MFSD2A: variants seen among roughly 807,000 people sequenced by gnomAD.
MFSD2A encodes the protein MFSD2 lysolipid transporter A, lysophospholipid.
In MFSD2A, 27 loss-of-function variants were observed where a neutral mutation model predicts 64.7. The ratio of observed to expected loss-of-function variants is 0.42; its 90% CI spans 0.31 to 0.58. The LOEUF is 0.58. Among genes scored for constraint, MFSD2A ranks in the 20% least tolerant of loss-of-function variants. The pLI, the probability that MFSD2A is intolerant of heterozygous loss-of-function variation, is 0.18. For missense variants in MFSD2A, 474 were observed against 679.5 expected (o/e 0.70, Z 3.36); for synonymous variants, 258 against 273.4 (o/e 0.94, Z 0.55).
At chr1:39,961,316 TCCCGCC>T (rs1300184111) in intron 3 of MFSD2A, among the ~76,000 whole-genome samples, 4 of 22,182 alleles carry the variant, frequency 1.8e-4, no homozygotes, top group Non-Finnish European at 3.2e-4. Context: ...AGACTTTTCT[TCCCGCC>T]CCCGCCCCCC....
Position 39,966,853 on chromosome 1 carries a change from G to A in MFSD2A, c.848G>A (p.Arg283Gln), listed in dbSNP as rs773401069. 18 of 1,613,808 alleles carry A rather than the reference G, an allele frequency of 1.1e-5. No individual in the cohort carries two copies. Among genetic ancestry groups the A allele is most frequent in the African/African-American group, 6.7e-5 (5 of 74,898 alleles). Residue 283 changes from arginine (R) to glutamine (Q), a missense_variant, in exon 8 of 14, where the codon CGG becomes CAG. Coordinates refer to ENST00000372811, the MANE Select transcript of MFSD2A (RefSeq NM_032793.5). ...AQQSEPIAYF[R>Q]GLRLVMSHGP... Reference sequence around the variant, plus strand: ...CAGTCTGAGCCAATCGCCTACTTCCGGGGCCTACGGCTGGTCATGAGCCAC... The same window carrying A: ...CAGTCTGAGCCAATCGCCTACTTCCAGGGCCTACGGCTGGTCATGAGCCAC...
rs1478539272 is a variant in MFSD2A, at chr1:39,966,655, G to T, written c.769G>T (p.Ala257Ser). 1.9e-6 allele frequency: 3 copies of T among 1,613,966 alleles called. No homozygotes were observed. Among genetic ancestry groups the T allele is most frequent in the African/African-American group, 1.3e-5 (1 of 74,914 alleles). Reference sequence around the variant, plus strand: ...CATTGTCTGTATCTATATAATCTGTGCTGTCATCCTGATCCTGGGCGTGCG... The same window carrying T: ...CATTGTCTGTATCTATATAATCTGTTCTGTCATCCTGATCCTGGGCGTGCG... ...GVIVCIYIIC[A>S]VILILGVREQ... The change falls in exon 7 of 14, where the codon GCT becomes TCT. Residue 257 changes from alanine to serine, a missense_variant. Transcript: ENST00000372811.
At chr1:39,967,964 C>T in intron 11 of MFSD2A, 48 bp downstream of exon 11, 2 of 1,250,460 alleles carry the variant, frequency 1.6e-6, no homozygotes, top group Non-Finnish European at 1.1e-6. Context: ...GCCCCTAGTC[C>T]CCAGTTTTGA....
intron 2 of MFSD2A, 64 bp downstream of exon 2, chr1:39,957,285 T>C (rs1167254834): frequency 4.8e-6 from 7 of 1,467,546 alleles, no homozygotes; most frequent in Non-Finnish European, 6.4e-6. Flanking sequence ...TATGCACCCC[T>C]GGGTCAGTTC....
chr1:39,962,816 A>T (rs1645074015), intron 3 of MFSD2A: 2 of 1,294,552 alleles, frequency 1.5e-6, no homozygotes, highest in East Asian at 2.3e-5. Context: ...CCATTAAGGG[A>T]TCTGAGATCA....
chr1:39,961,910 G>A (rs115180197), intron 3 of MFSD2A, among the ~76,000 whole-genome samples: 1,815 of 152,344 alleles, frequency 0.012, 48 homozygotes, highest in African/African-American at 0.042. Context: ...GGCTGCAACA[G>A]CTGGACCTGA....
chr1:39,963,522 T>C lies in MFSD2A; in HGVS notation c.354-1689T>C. On this transcript the variant is annotated intron_variant, in intron 3 of 13. Coordinates refer to ENST00000372811, the MANE Select transcript of MFSD2A (RefSeq NM_032793.5). The surrounding 1 kb of genome is among the most constrained non-coding windows in gnomAD (Gnocchi z 4.2). ...AAACTCCTGGGGAAAAGCAATCCTC[T>C]TGCCTCAGTTTCCCAAGTAGCTGGG... The C allele has an allele frequency of 2.4e-6, 1 of 425,072 alleles. No homozygotes were observed. The highest frequency in any genetic ancestry group is 2.0e-5 in the African/African-American group (1 of 49,556). 26.3% of individuals were successfully genotyped at this position (425,072 alleles called of 1,614,324 possible). A position where few individuals can be genotyped will look rare whatever the true frequency, so the allele number is the denominator to read the frequency against.
chr1:39,967,556 G>A, intron 9 of MFSD2A, 72 bp from the exon 10 acceptor site: 1 of 1,411,318 alleles, frequency 7.1e-7, no homozygotes, highest in South Asian at 1.2e-5. Context: ...GCCACTTTGG[G>A]GTTCTGGGAA....
At chr1:39,956,016 C>T (rs1193658636) in intron 1 of MFSD2A, among the ~76,000 whole-genome samples, 3 of 152,194 alleles carry the variant, frequency 2.0e-5, no homozygotes, top group African/African-American at 7.2e-5. Flanking sequence ...TAGATACCTT[C>T]GTGGGAGGTG....
chr1:39,963,463 G>A lies in MFSD2A; in HGVS notation c.354-1748G>A. ...CCTGTTAAAAAAAAAATGTTTACGA[G>A]ACAGAGTCTTGCTATGTTGCACAGG... On this transcript the variant is annotated intron_variant, in intron 3 of 13. Transcript: ENST00000372811. This position sits in a 1 kb window ranked among gnomAD's most constrained non-coding sequence, Gnocchi z 4.2. 1 of 541,176 alleles carries A rather than the reference G, an allele frequency of 1.8e-6. No homozygotes were observed. Among genetic ancestry groups the A allele is most frequent in the Non-Finnish European group, 3.3e-6 (1 of 304,310 alleles). The allele number at this position is 541,176 out of a possible 1,614,324, so 33.5% of individuals were successfully genotyped here.
Position 39,967,902 on chromosome 1 carries a change from C to T in MFSD2A, c.1194C>T (p.Ala398=), listed in dbSNP as rs745391775. 20 of 1,610,384 alleles carry T rather than the reference C, an allele frequency of 1.2e-5. No homozygotes were observed. The African/African-American group carries it at 2.4e-4, about 19-fold the overall frequency. Residue 398 remains alanine, a synonymous_variant, in exon 11 of 14, where the codon GCC becomes GCT. Transcript: ENST00000372811. ...CAGCTGGCATCAGTGTGGCAGCTGC[C>T]TTCTTACTACCCTGGTAGGTATATA... The part of the protein sequence containing the change: ...AVAAGISVAA[A]FLLPWSMLPD...
chr1:39,965,325 A>G lies in MFSD2A; in HGVS notation c.468A>G (p.Thr156=), dbSNP rs757255915. The stretch of plus-strand genomic sequence containing the variant: ...TGCTTTTCTATTGCCTCTTTGAAAC[A>G]ATGGTCACGGTGAGTGTGGGTACCT... ...WYLLFYCLFE[T]MVTCFHVPYS... The change falls in exon 4 of 14, where the codon ACA becomes ACG. Residue 156 remains threonine (T), a synonymous_variant. Coordinates refer to ENST00000372811, the MANE Select transcript of MFSD2A (RefSeq NM_032793.5). This position sits in a 1 kb window ranked among gnomAD's most constrained non-coding sequence, Gnocchi z 5.5. 5 of 1,613,872 alleles carry G rather than the reference A, an allele frequency of 3.1e-6. No individual in the cohort carries two copies. In the Admixed American group the frequency reaches 6.7e-5, roughly 22 times the overall value.
In MFSD2A at chr1:39,955,311, G is replaced by T; in HGVS notation, c.19G>T (p.Ala7Ser). The T allele has an allele frequency of 6.9e-7, 1 of 1,442,980 alleles. No homozygotes were observed. Among genetic ancestry groups the T allele is most frequent in the Non-Finnish European group, 9.1e-7 (1 of 1,096,134 alleles). The allele number at this position is 1,442,980 out of a possible 1,614,324, so 89.4% of individuals were successfully genotyped here. ...GCGGGTCATGGCCAAAGGAGAAGGCGCCGAGAGCGGCTCCGCGGCGGGGCT... is the reference window on the plus strand; with the variant it reads ...GCGGGTCATGGCCAAAGGAGAAGGCTCCGAGAGCGGCTCCGCGGCGGGGCT... The part of the protein sequence containing the change: MAKGEG[A>S]ESGSAAGLLP... Residue 7 changes from alanine (A) to serine (S), a missense_variant, in exon 1 of 14, where the codon GCC becomes TCC. Transcript: ENST00000372811. This position sits in a 1 kb window ranked among gnomAD's most constrained non-coding sequence, Gnocchi z 5.9.
Position 39,955,328 on chromosome 1 carries a change from G to T in MFSD2A, c.36G>T (p.Ala12=), listed in dbSNP as rs1219555623. ...GAGAAGGCGCCGAGAGCGGCTCCGC[G>T]GCGGGGCTGCTACCCACCAGCATCC... ...AKGEGAESGS[A]AGLLPTSILQ... is the part of the protein sequence containing the mutation. The change falls in exon 1 of 14, where the codon GCG becomes GCT. Residue 12 remains alanine, a synonymous_variant. Transcript: ENST00000372811. This position sits in a 1 kb window ranked among gnomAD's most constrained non-coding sequence, Gnocchi z 5.9. The T allele has an allele frequency of 4.2e-6, 6 of 1,443,866 alleles. No homozygotes were observed. The East Asian group carries it at 1.6e-4, about 38-fold the overall frequency. 89.4% of individuals were successfully genotyped at this position (1,443,866 alleles called of 1,614,324 possible).
chr1:39,965,619 C>A lies in MFSD2A; in HGVS notation c.556+70C>A. 6.7e-7 allele frequency: 1 copy of A among 1,503,242 alleles called. No individual in the cohort carries two copies. 93.1% of individuals were successfully genotyped at this position (1,503,242 alleles called of 1,614,324 possible). On this transcript the variant is annotated intron_variant, in intron 5 of 13. Transcript: ENST00000372811. The surrounding 1 kb of genome is among the most constrained non-coding windows in gnomAD (Gnocchi z 5.5). ...CAGCCATACTTCTTCCCTTGCGGGT[C>A]CAGCTCTTTGCTCTGCTCTAGAGTG...
chr1:39,965,270 A>G lies in MFSD2A; in HGVS notation c.413A>G (p.Asp138Gly). ...TACTTCCTCATCTGGTTCGTGCCCG[A>G]CTTCCCACACGGCCAGACCTATTGG... The part of the protein sequence containing the change: ...IAYFLIWFVP[D>G]FPHGQTYWYL... Residue 138 changes from aspartate to glycine, a missense_variant, in exon 4 of 14, where the codon GAC becomes GGC. Physicochemically the swap from Asp to Gly is moderately conservative, Grantham distance 94 (BLOSUM62 -1). Coordinates refer to ENST00000372811, the MANE Select transcript of MFSD2A (RefSeq NM_032793.5). The surrounding 1 kb of genome is among the most constrained non-coding windows in gnomAD (Gnocchi z 5.5). 3 of 1,613,882 alleles carry G rather than the reference A, an allele frequency of 1.9e-6. No homozygotes were observed. The highest frequency in any genetic ancestry group is 1.7e-5 in the Admixed American group (1 of 59,978).
At chr1:39,956,619 A>G (rs1329532154) in intron 1 of MFSD2A, among the ~76,000 whole-genome samples, 2 of 152,162 alleles carry the variant, frequency 1.3e-5, no homozygotes, top group Non-Finnish European at 2.9e-5. Flanking sequence ...GAGGTGGCTT[A>G]GGGGCTACTT....
chr1:39,966,120 G>C lies in MFSD2A; in HGVS notation c.714+106G>C, dbSNP rs562389244. On this transcript the variant is annotated intron_variant, in intron 6 of 13. Transcript: ENST00000372811. ...CTAGTGTTTATTAAATAAATGTTGG[G>C]CATTTGATATACATAACAATTAATG... 1.1e-3 allele frequency: 1,458 copies of C among 1,329,038 alleles called. 1 individual carries two copies. The highest frequency in any genetic ancestry group is 1.4e-3 in the Non-Finnish European group (1,341 of 969,242). 82.3% of individuals were successfully genotyped at this position (1,329,038 alleles called of 1,614,324 possible).
Position 39,958,972 on chromosome 1 carries a change from G to A in MFSD2A, c.353+147G>A, listed in dbSNP as rs1644981041. The A allele has an allele frequency of 2.1e-6, 2 of 950,400 alleles. No homozygotes were observed. Among genetic ancestry groups the A allele is most frequent in the Non-Finnish European group, 3.1e-6 (2 of 642,546 alleles). 58.9% of individuals were successfully genotyped at this position (950,400 alleles called of 1,614,324 possible). On this transcript the variant is annotated intron_variant, in intron 3 of 13. Coordinates refer to ENST00000372811, the MANE Select transcript of MFSD2A (RefSeq NM_032793.5). The surrounding 1 kb of genome is among the most constrained non-coding windows in gnomAD (Gnocchi z 4.7). Reference sequence around the variant, plus strand: ...CAAGGGTGTTGAAACCCCATCCGAGGCATCAGCTACCCTGAGCACGGGCAC... The same window carrying A: ...CAAGGGTGTTGAAACCCCATCCGAGACATCAGCTACCCTGAGCACGGGCAC...
Sources: allele counts gnomAD v4.1 joint callset (sites outside exome capture counted in the v4.1 genomes callset), GRCh38; gene constraint gnomAD v4.1.1; non-coding constraint Gnocchi (gnomAD v3.1); transcripts MANE v1.5; gene names NCBI Gene and HGNC (gene_info 2026-07-23, HGNC 2026-07-21).